DGKH: variants seen among roughly 807,000 people sequenced by gnomAD.
The protein encoded by DGKH is DAG kinase eta.
Under a neutral mutation model 159.3 loss-of-function variants are expected in DGKH, and 90 were observed. The ratio of observed to expected loss-of-function variants is 0.57; its 90% CI spans 0.48 to 0.67. DGKH has a LOEUF of 0.67. Among genes scored for constraint, DGKH ranks in the 30% least tolerant of loss-of-function variants. The probability of loss-of-function intolerance (pLI) is 0.00; values close to 1 mark genes in which losing one functional copy is unlikely to be tolerated. For missense variants in DGKH, 1,181 were observed against 1,506.1 expected (o/e 0.78, Z 3.57); for synonymous variants, 536 against 553.8 (o/e 0.97, Z 0.45).
chr13:42,075,229 T>C (rs17519207), intron 1 of DGKH, among the ~76,000 whole-genome samples: 4,350 of 152,304 alleles, frequency 0.029, 88 homozygotes, highest in Non-Finnish European at 0.042. Flanking sequence ...CATTTTCTAG[T>C]GGTGTTTGAA....
At chr13:42,048,634 C>T, upstream of DGKH, 1 of 1,101,094 alleles carries the variant, frequency 9.1e-7, no homozygotes, top group Non-Finnish European at 1.1e-6. The surrounding 1 kb of genome is among the most constrained non-coding windows in gnomAD (Gnocchi z 6.7). Flanking sequence ...ACCCTTACCT[C>T]GCGGGGGTAG....
chr13:42,198,454 A>C (rs1252060154), intron 17 of DGKH, 24 bp from the exon 18 acceptor site: 1 of 1,597,978 alleles, frequency 6.3e-7, no homozygotes. Context: ...ATGCGATCCC[A>C]TATGTGTTTG....
At chr13:42,117,358 A>G (rs994519230) in intron 1 of DGKH, among the ~76,000 whole-genome samples, 5 of 152,050 alleles carry the variant, frequency 3.3e-5, no homozygotes, top group Non-Finnish European at 7.4e-5. Context: ...TCTTAACCAC[A>G]CTTTGATTGT....
rs1958281377 is a variant in DGKH, at chr13:42,231,128, G to C, written c.*1940G>C. The C allele has an allele frequency of 6.6e-6, 1 of 152,178 alleles. No individual in the cohort carries two copies. The highest frequency in any genetic ancestry group is 1.5e-5 in the Non-Finnish European group (1 of 68,072). 9.4% of individuals were successfully genotyped at this position (152,178 alleles called of 1,614,324 possible). A position where few individuals can be genotyped will look rare whatever the true frequency, so the allele number is the denominator to read the frequency against. ...CCAGCACTTCGGGAGGTTTAGGTGG[G>C]TAGATCACCGGAGGTCAGGAGTTCG... On this transcript the variant is annotated 3_prime_UTR_variant, in exon 30 of 30. Transcript: ENST00000337343.
At chr13:42,049,046 C>A (rs1339870179) in intron 1 of DGKH, 81 bp downstream of exon 1, 1 of 980,024 alleles carries the variant, frequency 1.0e-6, no homozygotes, top group Admixed American at 8.1e-5. Context: ...ACGCGCCGGG[C>A]GATCCCGGGA....
At chr13:42,137,736 G>C (rs1043217195) in intron 3 of DGKH, among the ~76,000 whole-genome samples, 2 of 152,172 alleles carry the variant, frequency 1.3e-5, no homozygotes, top group African/African-American at 2.4e-5. Context: ...ACTTTAAAGA[G>C]AAATGTTGAC....
downstream of DGKH, chr13:42,256,578 T>TA (rs1331334835): frequency 6.1e-6 from 4 of 656,574 alleles, no homozygotes; most frequent in African/African-American, 7.3e-5. Flanking sequence ...TATAATTTTT[T>TA]AAAAAACTGA....
rs1488993538 is a variant in DGKH at position 42,231,539 on chromosome 13, A to G, written c.*2351A>G. On this transcript the variant is annotated 3_prime_UTR_variant, in exon 30 of 30. Coordinates refer to ENST00000337343, the MANE Select transcript of DGKH (RefSeq NM_178009.5). ...GGTTCCCAGAACTCTCTAACATTAC[A>G]GATCTCTGTCCATCTTTACTAAAAA... The G allele has an allele frequency of 6.6e-6, 1 of 152,168 alleles. No individual in the cohort carries two copies. Among genetic ancestry groups the G allele is most frequent in the African/African-American group, 2.4e-5 (1 of 41,420 alleles). 9.4% of individuals were successfully genotyped at this position (152,168 alleles called of 1,614,324 possible).
Position 42,221,414 on chromosome 13 carries a change from C to A in DGKH, c.3573+20C>A. Reference sequence around the variant, plus strand: ...CTTAAGGTATTTCCTTTGTGCTCTTCTGTTCTTGAAAATTTTATTGCAAAA... The same window carrying A: ...CTTAAGGTATTTCCTTTGTGCTCTTATGTTCTTGAAAATTTTATTGCAAAA... On this transcript the variant is annotated intron_variant, in intron 29 of 29. Coordinates refer to ENST00000337343, the MANE Select transcript of DGKH (RefSeq NM_178009.5). 6.2e-7 allele frequency: 1 copy of A among 1,609,476 alleles called. No individual in the cohort carries two copies. Among genetic ancestry groups the A allele is most frequent in the Non-Finnish European group, 8.5e-7 (1 of 1,178,150 alleles).
chr13:42,160,559 T>G (rs932531312), intron 7 of DGKH, among the ~76,000 whole-genome samples: 9 of 152,184 alleles, frequency 5.9e-5, no homozygotes. Context: ...CAGCCGAACA[T>G]GAAGCCAACA....
At position 42,219,813 on chromosome 13, in the gene DGKH, A is replaced by G. The variant is rs940711686; in HGVS notation, c.3442+19A>G. On this transcript the variant is annotated intron_variant, in intron 28 of 29. Transcript: ENST00000337343. ...CAGCCTGGTAGGTGGTCCATATGGA[A>G]GGGGAAATATAACATTATGAAAAAA... 1.9e-6 allele frequency: 3 copies of G among 1,600,208 alleles called. No homozygotes were observed. The African/African-American group carries it at 4.0e-5, about 22-fold the overall frequency.
chr13:42,226,314 G>T (rs1958131198), intron 29 of DGKH, among the ~76,000 whole-genome samples: 1 of 152,200 alleles, frequency 6.6e-6, no homozygotes, highest in Admixed American at 6.5e-5. Context: ...TGGTGAGGCT[G>T]TGGAGAAATA....
intron 20 of DGKH, among the ~76,000 whole-genome samples, chr13:42,201,354 G>C (rs1957342789): frequency 6.6e-6 from 1 of 152,098 alleles, no homozygotes; most frequent in South Asian, 2.1e-4. Context: ...GTTTAGCTCA[G>C]CACTGGTCCT....
chr13:42,215,694 A>G (rs1267107623), intron 26 of DGKH, 27 bp downstream of exon 26: 2 of 1,570,850 alleles, frequency 1.3e-6, no homozygotes. Flanking sequence ...CTGGTAACAT[A>G]AGAATGATGA....
chr13:42,253,969 G>A (rs1566240631), intron 30 of DGKH, among the ~76,000 whole-genome samples: 2 of 149,456 alleles, frequency 1.3e-5, no homozygotes, highest in Non-Finnish European at 3.0e-5. Context: ...CACATAGGCA[G>A]CCTCAAAATT....
At chr13:42,157,413 GTA>G (rs1956072493) in intron 5 of DGKH, among the ~76,000 whole-genome samples, 1 of 152,124 alleles carries the variant, frequency 6.6e-6, no homozygotes, top group Non-Finnish European at 1.5e-5. Context: ...GAATGACTGA[GTA>G]TTTTTCTAAG....
intron 1 of DGKH, among the ~76,000 whole-genome samples, chr13:42,109,504 G>A (rs1954819452): frequency 6.6e-6 from 1 of 152,192 alleles, no homozygotes; most frequent in East Asian, 1.9e-4. Flanking sequence ...GGGAGAGAGG[G>A]CTTAGATTTT....
At chr13:42,190,232 T>G (rs1957027846) in intron 15 of DGKH, among the ~76,000 whole-genome samples, 171 bp from the exon 16 acceptor site, 1 of 152,242 alleles carries the variant, frequency 6.6e-6, no homozygotes, top group South Asian at 2.1e-4. Flanking sequence ...CTTTAGTTTT[T>G]GATCTTTAGT....
Position 42,181,004 on chromosome 13 carries a change from C to T in DGKH, c.1538+2784C>T, listed in dbSNP as rs192825253. Reference sequence around the variant, plus strand: ...TAAGAATATCCTCTTCGGCCGGGCGCGGTGGCTCACGCTTGTAATCCCAGC... The same window carrying T: ...TAAGAATATCCTCTTCGGCCGGGCGTGGTGGCTCACGCTTGTAATCCCAGC... On this transcript the variant is annotated intron_variant, in intron 13 of 29. Transcript: ENST00000337343. 1.5e-3 allele frequency among the ~76,000 whole-genome samples: 224 copies of T among 152,146 alleles called. 1 individual carries two copies. Among genetic ancestry groups the T allele is most frequent in the African/African-American group, 5.1e-3 (212 of 41,516 alleles).
Sources: gnomAD v4.1 joint callset for allele counts (sites outside exome capture counted in the v4.1 genomes callset) on GRCh38, gnomAD v4.1.1 for gene constraint, Gnocchi (gnomAD v3.1) non-coding constraint, MANE v1.5 for transcripts, NCBI Gene and HGNC (gene_info 2026-07-23, HGNC 2026-07-21) for gene names.